The following MCM4 variants were observed in gnomAD, a reference collection of about 807,000 sequenced individuals.
MCM4 encodes DNA replication licensing factor MCM4.
MCM4 carries 60 observed loss-of-function variants against 88.7 expected under a neutral mutation model. The observed-to-expected ratio is 0.68, with a 90% CI of 0.55 to 0.84. MCM4 has a LOEUF of 0.84. Ranked by LOEUF, MCM4 falls within the 40% of genes least tolerant of loss-of-function variation. MCM4 has a pLI of 0.00. For synonymous variants in MCM4, 465 were observed against 410.5 expected (o/e 1.13, Z -1.61); for missense variants, 1,149 against 1,105.5 (o/e 1.04, Z -0.56).
intron 11 of MCM4, 102 bp from the exon 12 acceptor site, chr8:47,970,409 A>G: frequency 7.1e-7 from 1 of 1,412,372 alleles, no homozygotes. Context: ...TGATTTCTTA[A>G]TTGTAGTTCT....
At chr8:47,962,723 C>T (rs377235229) in intron 5 of MCM4, 41 bp from the exon 6 acceptor site, 3 of 1,215,698 alleles carry the variant, frequency 2.5e-6, no homozygotes, top group African/African-American at 3.0e-5. Flanking sequence ...TGCCTGTTCC[C>T]AAATGCTATA....
In MCM4 at chr8:47,976,760, G is replaced by T. The variant is rs1299263444; in HGVS notation, c.2574G>T (p.Lys858Asn). ...ATGATTTCCTGACAGTGACTGGGAAGACCGTGCGCTTGCTCTGAAGCCTTG... is the reference window on the plus strand; with the variant it reads ...ATGATTTCCTGACAGTGACTGGGAATACCGTGCGCTTGCTCTGAAGCCTTG... Reference protein sequence around the residue: ...ADDDFLTVTGKTVRLL With the variant: ...ADDDFLTVTGNTVRLL The change falls in exon 17 of 17, where the codon AAG becomes AAT. Residue 858 changes from lysine (K) to asparagine (N), a missense_variant. Lys to Asn is a moderately conservative substitution (Grantham distance 94, BLOSUM62 0). Around this residue, in one of 3 missense-constraint regions of MCM4, gnomAD observed 238 missense variants for 241.6 expected, o/e 0.99. Coordinates refer to ENST00000649973, the MANE Select transcript of MCM4 (RefSeq NM_182746.3). The T allele has an allele frequency of 6.2e-7, 1 of 1,612,708 alleles. No individual in the cohort carries two copies. Among genetic ancestry groups the T allele is most frequent in the African/African-American group, 1.3e-5 (1 of 74,922 alleles).
rs1397495949 is a variant in MCM4 at position 47,962,433 on chromosome 8, C to A, written c.501+27C>A. 4 of 1,606,522 alleles carry A rather than the reference C, an allele frequency of 2.5e-6. No homozygotes were observed. The African/African-American group carries it at 5.4e-5, about 21-fold the overall frequency. ...TGAGCTACATGTATTAAAATTCTTA[C>A]TTTGGGCTCTGAAAATGTTGGGAGA... On this transcript the variant is annotated intron_variant, in intron 5 of 16. Coordinates refer to ENST00000649973, the MANE Select transcript of MCM4 (RefSeq NM_182746.3).
intron 14 of MCM4, among the ~76,000 whole-genome samples, 157 bp downstream of exon 14, chr8:47,973,221 A>C (rs957752053): frequency 6.6e-6 from 1 of 152,190 alleles, no homozygotes; most frequent in Admixed American, 6.5e-5. Flanking sequence ...CCCAGGCTGG[A>C]GTGCAGTGGC....
At position 47,969,895 on chromosome 8, in the gene MCM4, G is replaced by A. The variant is rs376248536; in HGVS notation, c.1272G>A (p.Thr424=). The A allele has an allele frequency of 9.3e-6, 15 of 1,614,204 alleles. No individual in the cohort carries two copies. The East Asian group carries it at 2.0e-4, about 22-fold the overall frequency. ...TTGATGTCATTCATTATCGGAAAAC[G>A]GATGCAAAACGTCTGCATGGCCTTG... The part of the protein sequence containing the change: ...THIDVIHYRK[T]DAKRLHGLDE... Residue 424 remains threonine, a synonymous_variant, in exon 11 of 17, where the codon ACG becomes ACA. Coordinates refer to ENST00000649973, the MANE Select transcript of MCM4 (RefSeq NM_182746.3).
chr8:47,975,030 A>C, intron 15 of MCM4, 68 bp downstream of exon 15: 1 of 1,248,386 alleles, frequency 8.0e-7, no homozygotes, highest in South Asian at 1.4e-5. Context: ...TTTATATGTC[A>C]GATTTAAGCT....
chr8:47,964,319 T>C (rs750468461), intron 7 of MCM4, among the ~76,000 whole-genome samples: 2 of 152,222 alleles, frequency 1.3e-5, no homozygotes, highest in Non-Finnish European at 2.9e-5. Context: ...TCCCTTCTAA[T>C]AGAAAGCAAA....
At chr8:47,967,560 G>C in intron 10 of MCM4, 75 bp downstream of exon 10, 1 of 1,588,344 alleles carries the variant, frequency 6.3e-7, no homozygotes, top group Non-Finnish European at 8.6e-7. Context: ...TGAGTCATTG[G>C]ACTTGGTCAC....
intron 9 of MCM4, 47 bp from the exon 10 acceptor site, chr8:47,967,318 C>T: frequency 6.2e-7 from 1 of 1,611,222 alleles, no homozygotes; most frequent in Non-Finnish European, 8.5e-7. Flanking sequence ...TTTTGTCCCC[C>T]TGCCCTCTCT....
chr8:47,961,011 C>G lies in MCM4; in HGVS notation c.-18C>G, dbSNP rs549310735. ...CGTCGTCGGCAAGCGGCCGCCTTTCCACGGTAACCGCGCGCCGGCGGGGAG... is the reference window on the plus strand; with the variant it reads ...CGTCGTCGGCAAGCGGCCGCCTTTCGACGGTAACCGCGCGCCGGCGGGGAG... On this transcript the variant is annotated 5_prime_UTR_variant, in exon 1 of 17. Transcript: ENST00000649973. The G allele has an allele frequency of 8.0e-6, 8 of 997,028 alleles. No homozygotes were observed. Among genetic ancestry groups the G allele is most frequent in the Middle Eastern group, 3.0e-4 (1 of 3,286 alleles). 61.8% of individuals were successfully genotyped at this position (997,028 alleles called of 1,614,324 possible).
chr8:47,967,635 A>G, intron 10 of MCM4, 150 bp downstream of exon 10: 4 of 976,530 alleles, frequency 4.1e-6, no homozygotes, highest in Non-Finnish European at 6.2e-6. Context: ...TCCCTGCTTT[A>G]TCTGCCACCT....
At chr8:47,975,597 A>G (rs992594852) in intron 15 of MCM4, 118 bp from the exon 16 acceptor site, 2 of 646,212 alleles carry the variant, frequency 3.1e-6, no homozygotes, top group Admixed American at 4.0e-5. Flanking sequence ...CTTCAAATGT[A>G]CTCAGCCCCT....
intron 16 of MCM4, 32 bp from the exon 17 acceptor site, chr8:47,976,653 GT>G (rs748155655): frequency 6.8e-7 from 1 of 1,476,484 alleles, no homozygotes; most frequent in Non-Finnish European, 9.5e-7. Flanking sequence ...GACTTGACGT[GT>G]ACAATATTTA....
At chr8:47,972,817 A>G in intron 13 of MCM4, 40 bp from the exon 14 acceptor site, 3 of 1,569,906 alleles carry the variant, frequency 1.9e-6, no homozygotes, top group Non-Finnish European at 2.6e-6. Context: ...TCGGCCTCAC[A>G]AGGTGCTGGA....
rs375329629 is a variant in MCM4, at chr8:47,967,478, T to C, written c.1167T>C (p.Asn389=). The C allele has an allele frequency of 1.9e-6, 3 of 1,614,200 alleles. No individual in the cohort carries two copies. Among genetic ancestry groups the C allele is most frequent in the Non-Finnish European group, 2.5e-6 (3 of 1,180,014 alleles). Residue 389 remains asparagine (N), a synonymous_variant, in exon 10 of 17, where the codon AAT becomes AAC. Transcript: ENST00000649973. ...VDKVQPGDRV[N]VTGIYRAVPI... ...AGGTCCAGCCTGGGGACAGAGTGAA[T>C]GTTACAGGTAAGAGTGTAGGTTTGC...
At chr8:47,970,195 A>T in intron 11 of MCM4, 138 bp downstream of exon 11, 3 of 996,242 alleles carry the variant, frequency 3.0e-6, no homozygotes, top group Non-Finnish European at 4.5e-6. Flanking sequence ...TGGCAACCTG[A>T]CTTGCCATTG....
intron 14 of MCM4, among the ~76,000 whole-genome samples, chr8:47,973,535 C>G (rs2090974694): frequency 6.6e-6 from 1 of 151,884 alleles, no homozygotes; most frequent in Non-Finnish European, 1.5e-5. Context: ...CTGTGTCCCC[C>G]AGGCTGGACT....
intron 10 of MCM4, among the ~76,000 whole-genome samples, chr8:47,968,808 G>T (rs2090924097): frequency 6.6e-6 from 1 of 152,192 alleles, no homozygotes; most frequent in Non-Finnish European, 1.5e-5. Context: ...AATCAGCCTG[G>T]AGTTAAAGCC....
Position 47,961,531 on chromosome 8 carries a change from C to T in MCM4, c.86C>T (p.Ala29Val). The change falls in exon 3 of 17, where the codon GCC becomes GTC. Residue 29 changes from alanine (A) to valine (V), a missense_variant. Around this residue, in one of 3 missense-constraint regions of MCM4, gnomAD observed 906 missense variants for 843.0 expected, o/e 1.07. Coordinates refer to ENST00000649973, the MANE Select transcript of MCM4 (RefSeq NM_182746.3). ...TPAQTPRSED[A>V]RSSPSQRRRG... ...GTGACACAAGCTCGGAGTGAGGATG[C>T]CAGGTCATCTCCCTCTCAGAGACGT... 1 of 1,614,030 alleles carries T rather than the reference C, an allele frequency of 6.2e-7. No individual in the cohort carries two copies.
Sources: gnomAD v4.1 joint callset for allele counts (sites outside exome capture counted in the v4.1 genomes callset) on GRCh38, gnomAD v4.1.1 for gene constraint, gnomAD v4.1.1 regional missense constraint, MANE v1.5 for transcripts, NCBI Gene and HGNC (gene_info 2026-07-23, HGNC 2026-07-21) for gene names.